RTKN: variants seen among roughly 807,000 people sequenced by gnomAD.
The protein encoded by RTKN is rhotekin.
A neutral mutation model predicts 63.5 loss-of-function variants in RTKN; 49 were observed. That is an observed-to-expected ratio of 0.77 (90% CI 0.61 to 0.98). The LOEUF (loss-of-function observed/expected upper bound fraction) is 0.98, where lower values mean the gene tolerates loss of function less well. RTKN is among the 50% of genes least tolerant of loss of function. RTKN has a pLI of 0.00. For missense variants in RTKN, 685 were observed against 740.8 expected (o/e 0.92, Z 0.87); for synonymous variants, 295 against 290.4 (o/e 1.02, Z -0.16).
chr2:74,427,353 CAG>C, intron 10 of RTKN, 69 bp downstream of exon 10: 1 of 1,607,224 alleles, frequency 6.2e-7, no homozygotes, highest in Non-Finnish European at 8.5e-7. Flanking sequence ...AATCTTGAAA[CAG>C]AGGCCTTTAG....
At position 74,426,017 on chromosome 2, in the gene RTKN, G is replaced by A; in HGVS notation, c.*226C>T. On this transcript the variant is annotated 3_prime_UTR_variant, in exon 12 of 12. Transcript: ENST00000272430. ...AGAGTTGGTTCCAGTTTTCTTCCAG[G>A]AAGGGTTTAGGGAGGTCCCAGCGAG... 3.1e-6 allele frequency: 2 copies of A among 643,054 alleles called. No individual in the cohort carries two copies. Among genetic ancestry groups the A allele is most frequent in the Non-Finnish European group, 5.3e-6 (2 of 375,728 alleles). 39.8% of individuals were successfully genotyped at this position (643,054 alleles called of 1,614,324 possible).
chr2:74,432,080 T>C (rs1670782340), intron 2 of RTKN: 14 of 347,958 alleles, frequency 4.0e-5, no homozygotes, highest in South Asian at 3.1e-4. Flanking sequence ...ACCCCAGATA[T>C]AACAAACTAT....
chr2:74,436,966 A>G lies in RTKN; in HGVS notation c.112-4300T>C, dbSNP rs1304693265. ...GCTGGGTGTCAGCTGGACCCGGGTC[A>G]GATCCCAAGGGGCTAGAGGATGAGT... On this transcript the variant is annotated intron_variant, in intron 1 of 11. Transcript: ENST00000272430. The surrounding 1 kb of genome is among the most constrained non-coding windows in gnomAD (Gnocchi z 4.3). Among the ~76,000 whole-genome samples the G allele has an allele frequency of 6.6e-6, 1 of 152,174 alleles. No individual in the cohort carries two copies. The highest frequency in any genetic ancestry group is 1.5e-5 in the Non-Finnish European group (1 of 68,030).
chr2:74,431,280 T>C (rs1409894109), intron 2 of RTKN, among the ~76,000 whole-genome samples: 1 of 152,070 alleles, frequency 6.6e-6, no homozygotes, highest in Non-Finnish European at 1.5e-5. Flanking sequence ...TGGCCTGATA[T>C]GGTGTACCCT....
Position 74,428,667 on chromosome 2 carries a change from C to A in RTKN, c.921G>T (p.Met307Ile). The change falls in exon 8 of 12, where the codon ATG becomes ATT. Residue 307 changes from methionine (M) to isoleucine (I), a missense_variant. Transcript: ENST00000272430. ...CCRLAAQPLCMTQPTASGTLR... is the reference protein window; with the variant it reads ...CCRLAAQPLCITQPTASGTLR... ...GGGTACCACTTGCAGTGGGCTGAGT[C>A]ATGCAGAGAGGCTGAGCTGCCAGAC... The A allele has an allele frequency of 6.2e-7, 1 of 1,613,960 alleles. No individual in the cohort carries two copies. The highest frequency in any genetic ancestry group is 1.1e-5 in the South Asian group (1 of 90,994).
In RTKN at chr2:74,426,398, A is replaced by T. The variant is rs1670393037; in HGVS notation, c.1537T>A (p.Trp513Arg). The change falls in exon 12 of 12, where the codon TGG (tryptophan) becomes AGG (arginine). Residue 513 changes from tryptophan (W) to arginine (R), a missense_variant. Transcript: ENST00000272430. ...AGGGAAAAGGTTCGGGGTCTCCCCC[A>T]GGGCAGGGGGTGGGTCCAGTCTGGG... ...PAPDWTHPLP[W>R]GRPRTFSLDA... is the part of the protein sequence containing the mutation. 6.2e-7 allele frequency: 1 copy of T among 1,611,062 alleles called. No individual in the cohort carries two copies. The highest frequency in any genetic ancestry group is 8.5e-7 in the Non-Finnish European group (1 of 1,178,504).
At chr2:74,428,177 T>C (rs1670521749) in intron 9 of RTKN, 91 bp downstream of exon 9, 2 of 1,564,376 alleles carry the variant, frequency 1.3e-6, no homozygotes. Context: ...TGCTTCTATC[T>C]CTCTGAGGTA....
chr2:74,426,278 C>T lies in RTKN; in HGVS notation c.1657G>A (p.Gly553Ser). ...GACTGGAGCCAAGTGCGAGGTTGGC[C>T]TTTGCTGCAGAGGCCTCTGGTCCGT... ...SPRTRGLCSK[G>S]QPRTWLQSPV Residue 553 changes from glycine to serine, a missense_variant, in exon 12 of 12, where the codon GGC (glycine) becomes AGC (serine). Gly to Ser is a moderately conservative substitution (Grantham distance 56, BLOSUM62 0). Coordinates refer to ENST00000272430, the MANE Select transcript of RTKN (RefSeq NM_001015055.2). 1.2e-6 allele frequency: 2 copies of T among 1,614,078 alleles called. No homozygotes were observed. Among genetic ancestry groups the T allele is most frequent in the Non-Finnish European group, 1.7e-6 (2 of 1,180,008 alleles).
chr2:74,440,697 C>A, intron 1 of RTKN: 1 of 363,938 alleles, frequency 2.7e-6, no homozygotes, highest in Non-Finnish European at 3.8e-6. Flanking sequence ...CGGGCCCAGT[C>A]GCTTGGGGGC....
At chr2:74,432,376 G>T in intron 2 of RTKN, 91 bp downstream of exon 2, 12 of 1,216,264 alleles carry the variant, frequency 9.9e-6, no homozygotes, top group Non-Finnish European at 1.4e-5. Context: ...TCATCTTTAA[G>T]GTGGTCCACA....
chr2:74,441,782 ACGGTGAC>A lies in RTKN; in HGVS notation c.28_34del (p.Val10TrpfsTer34). 6.2e-7 allele frequency: 1 copy of A among 1,611,820 alleles called. No individual in the cohort carries two copies. On this transcript the variant is annotated frameshift_variant, in exon 1 of 12. Coordinates refer to ENST00000272430, the MANE Select transcript of RTKN (RefSeq NM_001015055.2). LOFTEE classifies it high-confidence loss of function. ...CATCTCCAGGGCGGAGCCCCTGGCC[ACGGTGAC>A]CCGGCTCCGGTGGTTTCGGGAGAAC... is the stretch of plus-strand genomic sequence containing the variant.
chr2:74,426,674 C>A lies in RTKN; in HGVS notation c.1361-100G>T. On this transcript the variant is annotated intron_variant, in intron 11 of 11. Transcript: ENST00000272430. ...ACCTGTCACTGTAATAGGAGGAAAG[C>A]AAAGCCTGGATCTCAGTGGAGATTG... is the stretch of plus-strand genomic sequence containing the variant. 4.8e-6 allele frequency: 7 copies of A among 1,452,926 alleles called. No homozygotes were observed. In the South Asian group the frequency reaches 7.6e-5, roughly 16 times the overall value. 90.0% of individuals were successfully genotyped at this position (1,452,926 alleles called of 1,614,324 possible).
At chr2:74,429,546 G>T (rs567584875) in intron 6 of RTKN, among the ~76,000 whole-genome samples, 2 of 152,292 alleles carry the variant, frequency 1.3e-5, no homozygotes, top group South Asian at 4.1e-4. Context: ...GCAACATAGT[G>T]AGACCCTGTC....
In RTKN at chr2:74,436,945, G is replaced by T. The variant is rs1671099006; in HGVS notation, c.112-4279C>A. On this transcript the variant is annotated intron_variant, in intron 1 of 11. Transcript: ENST00000272430. This position sits in a 1 kb window ranked among gnomAD's most constrained non-coding sequence, Gnocchi z 4.3. ...TCCCCTGGGAAAGAGCGCAGAGCTG[G>T]GTGTCAGCTGGACCCGGGTCAGATC... Among the ~76,000 whole-genome samples the T allele has an allele frequency of 6.6e-6, 1 of 152,178 alleles. No individual in the cohort carries two copies. The highest frequency in any genetic ancestry group is 6.5e-5 in the Admixed American group (1 of 15,280).
intron 2 of RTKN, 171 bp downstream of exon 2, chr2:74,432,296 C>T (rs994495738): frequency 9.3e-6 from 7 of 752,024 alleles, no homozygotes; most frequent in African/African-American, 3.4e-5. Context: ...AAATGCGCCT[C>T]TGGGCAACAC....
At position 74,426,570 on chromosome 2, in the gene RTKN, A is replaced by G. The variant is rs751889804; in HGVS notation, c.1365T>C (p.Ile455=). The G allele has an allele frequency of 6.6e-7, 1 of 1,526,670 alleles. No homozygotes were observed. Among genetic ancestry groups the G allele is most frequent in the Admixed American group, 2.1e-5 (1 of 48,728 alleles). The allele number at this position is 1,526,670 out of a possible 1,614,324, so 94.6% of individuals were successfully genotyped here. ...CCGCTGCGATGTCATCCAGCGGCTC[A>G]ATAGCTGTGGCACCAGGAAGGGGTT... ...KQGSLYHEMA[I]EPLDDIAAVT... Residue 455 remains isoleucine, a synonymous_variant, in exon 12 of 12, where the codon ATT becomes ATC. Transcript: ENST00000272430.
rs377515167 is a variant in RTKN, at chr2:74,428,828, C to G, written c.850+20G>C. 8 of 1,601,876 alleles carry G rather than the reference C, an allele frequency of 5.0e-6. No homozygotes were observed. The highest frequency in any genetic ancestry group is 6.8e-6 in the Non-Finnish European group (8 of 1,169,126). ...TCTCACCATCACATGTGTATGTCCC[C>G]CATGCACACACATACTTACCATGAC... On this transcript the variant is annotated intron_variant, in intron 7 of 11. Transcript: ENST00000272430.
rs1390504828 is a variant in RTKN at position 74,430,237 on chromosome 2, G to A, written c.545+15C>T. Reference sequence around the variant, plus strand: ...AGAGTGGAGGAAGGAGGTAGCCACAGTGTGAGGTACTCACAAGAGCACATT... The same window carrying A: ...AGAGTGGAGGAAGGAGGTAGCCACAATGTGAGGTACTCACAAGAGCACATT... On this transcript the variant is annotated intron_variant, in intron 5 of 11. Transcript: ENST00000272430. The A allele has an allele frequency of 5.0e-6, 8 of 1,589,528 alleles. No individual in the cohort carries two copies. The highest frequency in any genetic ancestry group is 6.0e-6 in the Non-Finnish European group (7 of 1,157,626).
chr2:74,426,861 G>A (rs1670425239), intron 11 of RTKN: 1 of 1,342,506 alleles, frequency 7.4e-7, no homozygotes, highest in Admixed American at 3.6e-5. Context: ...GCGGTGCCAG[G>A]CAAGTGAGGG....
Sources: allele counts gnomAD v4.1 joint callset (sites outside exome capture counted in the v4.1 genomes callset), GRCh38; gene constraint gnomAD v4.1.1; non-coding constraint Gnocchi (gnomAD v3.1); transcripts MANE v1.5; gene names NCBI Gene and HGNC (gene_info 2026-07-23, HGNC 2026-07-21).